CRYM: variants seen among roughly 807,000 people sequenced by gnomAD.
CRYM encodes ketimine reductase mu-crystallin.
In CRYM, 18 loss-of-function variants were observed where a neutral mutation model predicts 32.9. The ratio of observed to expected loss-of-function variants is 0.55; its 90% CI spans 0.38 to 0.81. CRYM has a LOEUF of 0.81. Ranked by LOEUF, CRYM falls within the 30% of genes least tolerant of loss-of-function variation. CRYM has a pLI of 0.00. For missense variants in CRYM, 337 were observed against 393.5 expected (o/e 0.86, Z 1.21); for synonymous variants, 153 against 152.4 (o/e 1.00, Z -0.03).
chr16:21,268,605 G>C (rs1174712103), intron 4 of CRYM: 1 of 152,166 alleles, frequency 6.6e-6, no homozygotes, highest in African/African-American at 2.4e-5. Flanking sequence ...AGGACATTTT[G>C]CCCGGCCGGA....
At chr16:21,260,095 T>C (rs2093351542) in intron 7 of CRYM, among the ~76,000 whole-genome samples, 1 of 152,166 alleles carries the variant, frequency 6.6e-6, no homozygotes, top group African/African-American at 2.4e-5. Context: ...CTGCAAGGCA[T>C]GGATACTTAA....
rs34045013 is a variant in CRYM at position 21,262,091 on chromosome 16, G to C, written c.741C>G (p.Tyr247Ter). 2 of 1,613,996 alleles carry C rather than the reference G, an allele frequency of 1.2e-6. No individual in the cohort carries two copies. Among genetic ancestry groups the C allele is most frequent in the South Asian group, 2.2e-5 (2 of 91,084 alleles). The stretch of plus-strand genomic sequence containing the variant: ...TCAGGGCAGCCTCCTGGGAATCCAC[G>C]TACAGCACAGCTTCTTTCATGAGCT... ...DDELMKEAVLYVDSQEAALKE... is the reference protein window; with the variant it reads ...DDELMKEAVL Residue 247 changes from tyrosine (Y) to a stop codon, truncating the protein, a stop_gained, in exon 6 of 8, where the codon TAC (tyrosine) becomes TAG (stop). Transcript: ENST00000572914. LOFTEE classifies it high-confidence loss of function.
chr16:21,267,486 T>C, intron 5 of CRYM, 68 bp downstream of exon 5: 1 of 1,523,522 alleles, frequency 6.6e-7, no homozygotes, highest in African/African-American at 1.4e-5. Flanking sequence ...GCAAATGTAG[T>C]CGACTGGTCC....
chr16:21,299,445 A>C (rs1960855745), intron 1 of CRYM, among the ~76,000 whole-genome samples: 1 of 152,056 alleles, frequency 6.6e-6, no homozygotes, highest in Non-Finnish European at 1.5e-5. Flanking sequence ...AGTAGCTTGC[A>C]TTACAGGAGT....
At chr16:21,301,305 G>A (rs1960920488) in intron 1 of CRYM, 2 of 152,448 alleles carry the variant, frequency 1.3e-5, no homozygotes, top group African/African-American at 2.4e-5. Flanking sequence ...ACAAGGCAAA[G>A]AACCTGAAGA....
intron 1 of CRYM, among the ~76,000 whole-genome samples, chr16:21,299,122 C>A (rs1169186658): frequency 3.3e-5 from 5 of 151,800 alleles, no homozygotes; most frequent in African/African-American, 1.2e-4. Flanking sequence ...TATGATTATT[C>A]TTATTATGAT....
chr16:21,267,802 C>T (rs906100897), intron 4 of CRYM, 65 bp from the exon 5 acceptor site: 65 of 1,541,254 alleles, frequency 4.2e-5, no homozygotes, highest in Non-Finnish European at 5.2e-5. Context: ...ACACTGAGCC[C>T]AGGGATGCGG....
Position 21,286,384 on chromosome 16 carries a change from A to AT in CRYM, c.-192-7425dup, listed in dbSNP as rs894297420. 6.5e-3 allele frequency among the ~76,000 whole-genome samples: 918 copies of AT among 140,178 alleles called. 4 individuals carry two copies. Among genetic ancestry groups the AT allele is most frequent in the Middle Eastern group, 0.015 (4 of 260 alleles). The allele number at this position is 140,178 out of a possible 152,430, so 92.0% of individuals were successfully genotyped here. A position where few individuals can be genotyped will look rare whatever the true frequency, so the allele number is the denominator to read the frequency against. The stretch of plus-strand genomic sequence containing the variant: ...AGGCGCCGGCCACCACGCCCAGCTA[A>AT]TTTTTTTTTTTTTTTTTTGTATTTT... On this transcript the variant is annotated intron_variant, in intron 1 of 9. Transcript: ENST00000219599.
intron 2 of CRYM, among the ~76,000 whole-genome samples, chr16:21,276,017 G>A (rs1263172050): frequency 1.3e-5 from 2 of 152,128 alleles, no homozygotes; most frequent in African/African-American, 2.4e-5. Flanking sequence ...GTGGCTCTCC[G>A]TTCCTGCTGC....
intron 3 of CRYM, 80 bp downstream of exon 3, chr16:21,275,452 C>T (rs1460902749): frequency 2.3e-6 from 3 of 1,287,212 alleles, no homozygotes; most frequent in Admixed American, 3.4e-5. Context: ...TTCCCCACTT[C>T]TCCTTTAGTC....
At chr16:21,275,022 A>G (rs796566826) in intron 3 of CRYM, among the ~76,000 whole-genome samples, 3 of 152,344 alleles carry the variant, frequency 2.0e-5, no homozygotes, top group African/African-American at 7.2e-5. Flanking sequence ...AGCCCAGTCA[A>G]TACTTGTCGA....
In CRYM at chr16:21,296,026, G is replaced by A. The variant is rs114786415; in HGVS notation, c.-193+6952C>T. 8.2e-3 allele frequency among the ~76,000 whole-genome samples: 1,254 copies of A among 152,020 alleles called. 18 individuals carry two copies. Among genetic ancestry groups the A allele is most frequent in the African/African-American group, 0.029 (1,194 of 41,470 alleles). ...AAGAAAATTCATCTCACTAAAACATGAACAAATTAAAAGATTATAATTGAA... is the reference window on the plus strand; with the variant it reads ...AAGAAAATTCATCTCACTAAAACATAAACAAATTAAAAGATTATAATTGAA... On this transcript the variant is annotated intron_variant, in intron 1 of 9. Coordinates refer to the CRYM transcript ENST00000219599.
Position 21,262,144 on chromosome 16 carries a change from T to C in CRYM, c.688A>G (p.Arg230Gly), listed in dbSNP as rs1458289505. The change falls in exon 6 of 8, where the codon AGA (arginine) becomes GGA (glycine). Residue 230 changes from arginine (R) to glycine (G), a missense_variant. Physicochemically the swap from Arg to Gly is moderately radical, Grantham distance 125. Coordinates refer to ENST00000572914, the MANE Select transcript of CRYM (RefSeq NM_001376256.1). ...TCATCCAGTTCTCTCCAGTCAGGTC[T>C]GCTGGCTCCAACAGCTAAGAGACAG... ...GAHINAVGAS[R>G]PDWRELDDEL... 1.9e-6 allele frequency: 3 copies of C among 1,614,054 alleles called. No individual in the cohort carries two copies. Among genetic ancestry groups the C allele is most frequent in the Non-Finnish European group, 2.5e-6 (3 of 1,180,010 alleles).
At chr16:21,259,502 T>C (rs2093350576) in intron 7 of CRYM, among the ~76,000 whole-genome samples, 1 of 152,030 alleles carries the variant, frequency 6.6e-6, no homozygotes, top group African/African-American at 2.4e-5. Context: ...GCCTTTAGAG[T>C]AGAAAACACA....
intron 3 of CRYM, among the ~76,000 whole-genome samples, chr16:21,272,402 C>T (rs1478516437): frequency 1.3e-5 from 2 of 152,176 alleles, no homozygotes; most frequent in Non-Finnish European, 2.9e-5. Flanking sequence ...GTCTTCCAGC[C>T]ATACTGGCTT....
At chr16:21,284,247 C>G (rs1344325949) in intron 1 of CRYM, 1 of 151,932 alleles carries the variant, frequency 6.6e-6, no homozygotes, top group Admixed American at 6.6e-5. Context: ...ACCTACGCGT[C>G]TCATCAGTAA....
At chr16:21,291,974 CTT>C (rs1259077651) in intron 1 of CRYM, among the ~76,000 whole-genome samples, 2 of 152,006 alleles carry the variant, frequency 1.3e-5, no homozygotes, top group Non-Finnish European at 2.9e-5. Flanking sequence ...ATCTAAAAAA[CTT>C]TGCCCAATAC....
upstream of CRYM, chr16:21,278,496 G>C: frequency 3.4e-6 from 2 of 591,476 alleles, no homozygotes; most frequent in East Asian, 5.6e-5. Flanking sequence ...CATCGCGGTG[G>C]CGTGCTGGGA....
At chr16:21,274,303 C>G (rs913685870) in intron 3 of CRYM, among the ~76,000 whole-genome samples, 3 of 152,150 alleles carry the variant, frequency 2.0e-5, no homozygotes, top group Non-Finnish European at 4.4e-5. Flanking sequence ...CTGGAGTGCC[C>G]CTCCGTGTTT....
Sources: gnomAD v4.1 joint callset for allele counts (sites outside exome capture counted in the v4.1 genomes callset) on GRCh38, gnomAD v4.1.1 for gene constraint, MANE v1.5 for transcripts, NCBI Gene and HGNC (gene_info 2026-07-23, HGNC 2026-07-21) for gene names.